The following SIPA1L3 variants were observed in gnomAD, a reference collection of about 807,000 sequenced individuals.
SIPA1L3 encodes signal-induced proliferation-associated 1-like protein 3.
In SIPA1L3, 59 loss-of-function variants were observed where a neutral mutation model predicts 150.1. That is an observed-to-expected ratio of 0.39 (90% CI 0.32 to 0.49). The LOEUF (loss-of-function observed/expected upper bound fraction) is 0.49, where lower values mean the gene tolerates loss of function less well. Among genes scored for constraint, SIPA1L3 ranks in the 20% least tolerant of loss-of-function variants. The pLI is 0.86. For missense variants in SIPA1L3, 2,211 were observed against 2,489.5 expected, an observed-to-expected ratio of 0.89 and a Z score of 2.38; for synonymous variants, 1,070 against 1,077.6, an observed-to-expected ratio of 0.99 and a Z score of 0.14.
chr19:38,063,724 C>G (rs1626441), intron 2 of SIPA1L3, among the ~76,000 whole-genome samples: 121,544 of 152,230 alleles, frequency 0.8, 49,299 homozygotes, highest in African/African-American at 0.94. Context: ...AGCAGGCCCG[C>G]AGGCTGGGTC....
chr19:38,035,886 T>C (rs1318526184), intron 2 of SIPA1L3, among the ~76,000 whole-genome samples: 1 of 152,200 alleles, frequency 6.6e-6, no homozygotes, highest in Non-Finnish European at 1.5e-5. Flanking sequence ...CTGCTGCTGT[T>C]GTGATTATTC....
chr19:38,163,817 C>G lies in SIPA1L3; in HGVS notation c.3781-662C>G, dbSNP rs562521593. 1.1e-4 allele frequency among the ~76,000 whole-genome samples: 16 copies of G among 152,200 alleles called. No homozygotes were observed. In the South Asian group the frequency reaches 2.3e-3, roughly 22 times the overall value. ...AAAGCCCCATGGGCCATGCTGGGAA[C>G]TCTCACTTGTGCCTGGAGTAAGATG... On this transcript the variant is annotated intron_variant, in intron 14 of 21. Coordinates refer to ENST00000222345, the MANE Select transcript of SIPA1L3 (RefSeq NM_015073.3).
Position 38,104,092 on chromosome 19 carries a change from G to A in SIPA1L3, c.2030-2445G>A, listed in dbSNP as rs368305162. 5.3e-5 allele frequency among the ~76,000 whole-genome samples: 8 copies of A among 152,076 alleles called. No individual in the cohort carries two copies. The South Asian group carries it at 1.7e-3, about 31-fold the overall frequency. ...TCAGCTGGGAGTGAGAAGGCCCCAA[G>A]ATGGCTCAGTCAGACATTGCTCTTC... On this transcript the variant is annotated intron_variant, in intron 6 of 21. Coordinates refer to ENST00000222345, the MANE Select transcript of SIPA1L3 (RefSeq NM_015073.3).
chr19:37,984,457 C>G (rs1967293544), intron 1 of SIPA1L3, among the ~76,000 whole-genome samples: 1 of 151,980 alleles, frequency 6.6e-6, no homozygotes, highest in African/African-American at 2.4e-5. Flanking sequence ...GAGTGCCAAG[C>G]AGAGACTGGA....
chr19:38,025,186 A>G (rs974905715), intron 1 of SIPA1L3, among the ~76,000 whole-genome samples: 3 of 152,102 alleles, frequency 2.0e-5, no homozygotes, highest in African/African-American at 7.2e-5. Context: ...GCCAATCCCT[A>G]TGGCTGAGGG....
At chr19:38,069,831 A>ATTTTTTTTT (rs143984654) in intron 2 of SIPA1L3, among the ~76,000 whole-genome samples, 1 of 136,326 alleles carries the variant, frequency 7.3e-6, no homozygotes, top group Non-Finnish European at 1.6e-5. Context: ...TACCTGGTTA[A>ATTTTTTTTT]TTTTTTTTTT....
chr19:38,129,912 C>T (rs967618838), intron 9 of SIPA1L3, among the ~76,000 whole-genome samples: 1 of 151,908 alleles, frequency 6.6e-6, no homozygotes, highest in Admixed American at 6.6e-5. Flanking sequence ...ACTAAAAATA[C>T]AAAAATTAGC....
chr19:38,184,950 TC>T (rs1972643990), intron 16 of SIPA1L3: 1 of 152,668 alleles, frequency 6.6e-6, no homozygotes, highest in Admixed American at 6.6e-5. Context: ...CTGCCCTCGT[TC>T]CCATCCACTC....
intron 1 of SIPA1L3, among the ~76,000 whole-genome samples, chr19:37,912,535 G>A (rs917685773): frequency 6.6e-6 from 1 of 152,124 alleles, no homozygotes; most frequent in African/African-American, 2.4e-5. Context: ...TCACTCTGTT[G>A]CCCACGCTGG....
At chr19:37,926,952 G>A (rs528255341) in intron 1 of SIPA1L3, among the ~76,000 whole-genome samples, 1 of 151,932 alleles carries the variant, frequency 6.6e-6, no homozygotes, top group South Asian at 2.1e-4. Flanking sequence ...TGCAGATGAG[G>A]TAACTAAATT....
At chr19:37,912,859 G>T (rs1443976975) in intron 1 of SIPA1L3, among the ~76,000 whole-genome samples, 1 of 152,198 alleles carries the variant, frequency 6.6e-6, no homozygotes, top group Non-Finnish European at 1.5e-5. Context: ...ATCCCGCTTG[G>T]AGATGTTGGG....
intron 1 of SIPA1L3, among the ~76,000 whole-genome samples, chr19:37,982,676 C>T (rs996185249): frequency 1.3e-5 from 2 of 152,238 alleles, no homozygotes; most frequent in Non-Finnish European, 2.9e-5. Flanking sequence ...TGCACGTCTT[C>T]AGAGCTTTCT....
At chr19:37,939,516 TAGAC>T (rs1479094268) in intron 1 of SIPA1L3, among the ~76,000 whole-genome samples, 1 of 151,462 alleles carries the variant, frequency 6.6e-6, no homozygotes, top group Non-Finnish European at 1.5e-5. Context: ...AGCCCCGTAA[TAGAC>T]AGGCGAGCCT....
At chr19:38,194,866 TGTG>T (rs1473334111) in intron 18 of SIPA1L3, among the ~76,000 whole-genome samples, 1 of 152,038 alleles carries the variant, frequency 6.6e-6, no homozygotes, top group Non-Finnish European at 1.5e-5. Context: ...GCCTGGCCAA[TGTG>T]GTGAAACCCC....
intron 1 of SIPA1L3, among the ~76,000 whole-genome samples, chr19:37,960,860 A>G (rs1438050426): frequency 6.7e-6 from 1 of 149,682 alleles, no homozygotes; most frequent in Non-Finnish European, 1.5e-5. Context: ...AGCCAATTTT[A>G]AAAAAAAATA....
At chr19:38,095,456 C>A (rs978106759) in intron 4 of SIPA1L3, among the ~76,000 whole-genome samples, 2 of 152,184 alleles carry the variant, frequency 1.3e-5, no homozygotes, top group African/African-American at 2.4e-5. Flanking sequence ...GGGAGTACGT[C>A]TGAGTCAGGA....
At chr19:38,078,464 A>G (rs966881014) in intron 2 of SIPA1L3, among the ~76,000 whole-genome samples, 1 of 150,102 alleles carries the variant, frequency 6.7e-6, no homozygotes, top group Admixed American at 6.6e-5. Context: ...ACACACACAC[A>G]CACACAGGCA....
chr19:38,069,509 TCTCTCTG>T (rs1207438234), intron 2 of SIPA1L3, among the ~76,000 whole-genome samples: 2 of 152,094 alleles, frequency 1.3e-5, no homozygotes, highest in Non-Finnish European at 2.9e-5. Flanking sequence ...CAGACCCTCT[TCTCTCTG>T]CTCTCTCTGT....
At chr19:38,112,113 A>G (rs1418402820) in intron 8 of SIPA1L3, among the ~76,000 whole-genome samples, 1 of 151,394 alleles carries the variant, frequency 6.6e-6, no homozygotes, top group African/African-American at 2.4e-5. Flanking sequence ...GCACACACAT[A>G]CATGCACACA....
Sources: gnomAD v4.1 joint callset for allele counts (sites outside exome capture counted in the v4.1 genomes callset) on GRCh38, gnomAD v4.1.1 for gene constraint, MANE v1.5 for transcripts, NCBI Gene and HGNC (gene_info 2026-07-23, HGNC 2026-07-21) for gene names.